ILRUN: variants seen among roughly 807,000 people sequenced by gnomAD.
ILRUN encodes protein ILRUN.
In ILRUN, 3 loss-of-function variants were observed where a neutral mutation model predicts 33.8. The ratio of observed to expected loss-of-function variants is 0.09; its 90% CI spans 0.04 to 0.23. ILRUN has a LOEUF of 0.23. ILRUN is among the 10% of genes least tolerant of loss of function. The pLI is 1.00. For synonymous variants in ILRUN, 124 were observed against 138.9 expected (o/e 0.89, Z 0.75); for missense variants, 210 against 375.1 (o/e 0.56, Z 3.64).
chr6:34,634,629 AG>A (rs1762318155), intron 3 of ILRUN, among the ~76,000 whole-genome samples: 1 of 152,172 alleles, frequency 6.6e-6, no homozygotes, highest in Admixed American at 6.5e-5. Flanking sequence ...CATCAAACAT[AG>A]ATGTTAAAAG....
chr6:34,587,342 G>A lies in ILRUN; in HGVS notation c.*3223C>T, dbSNP rs911736701. ...TACAAATATTCATTTATACAATAAG[G>A]AAAAACCTCCTCATCTTTATCTCCT... On this transcript the variant is annotated 3_prime_UTR_variant, in exon 5 of 5. Coordinates refer to ENST00000374023, the MANE Select transcript of ILRUN (RefSeq NM_024294.4). 4.6e-5 allele frequency: 7 copies of A among 152,604 alleles called. No homozygotes were observed. The highest frequency in any genetic ancestry group is 1.7e-4 in the African/African-American group (7 of 41,514). 9.5% of individuals were successfully genotyped at this position (152,604 alleles called of 1,614,324 possible).
At chr6:34,617,032 T>C in intron 3 of ILRUN, 1 of 533,558 alleles carries the variant, frequency 1.9e-6, no homozygotes, top group Non-Finnish European at 3.7e-6. Flanking sequence ...CAGACAACAC[T>C]TTGATTGCTC....
chr6:34,621,349 A>T (rs2127340155), intron 3 of ILRUN, among the ~76,000 whole-genome samples: 1 of 152,322 alleles, frequency 6.6e-6, no homozygotes, highest in East Asian at 1.9e-4. Context: ...AGTAGAAGGA[A>T]TCGCTACTTT....
At chr6:34,677,902 T>A (rs1258750275) in intron 1 of ILRUN, among the ~76,000 whole-genome samples, 1 of 131,950 alleles carries the variant, frequency 7.6e-6, no homozygotes, top group Non-Finnish European at 1.5e-5. Context: ...TGAGCTGTGA[T>A]CACACCACTG....
chr6:34,607,954 G>A (rs1761667758), intron 3 of ILRUN, among the ~76,000 whole-genome samples: 4 of 152,116 alleles, frequency 2.6e-5, no homozygotes, highest in African/African-American at 4.8e-5. Context: ...TTAGCTGGCC[G>A]TGGTGGTGCT....
intron 1 of ILRUN, among the ~76,000 whole-genome samples, chr6:34,684,770 C>CA (rs1348322281): frequency 6.6e-6 from 1 of 152,060 alleles, no homozygotes; most frequent in Non-Finnish European, 1.5e-5. Context: ...ATTGGGAGAG[C>CA]AAAAGTTTAC....
chr6:34,674,762 T>C (rs1272335205), intron 1 of ILRUN, among the ~76,000 whole-genome samples: 2 of 152,090 alleles, frequency 1.3e-5, no homozygotes, highest in Non-Finnish European at 2.9e-5. Context: ...TAAGTACACA[T>C]TAAAACTCTG....
At chr6:34,614,908 A>C (rs1021650411) in intron 3 of ILRUN, among the ~76,000 whole-genome samples, 1 of 152,178 alleles carries the variant, frequency 6.6e-6, no homozygotes, top group Non-Finnish European at 1.5e-5. Flanking sequence ...ATTACATGTC[A>C]TTCTATAGGA....
intron 1 of ILRUN, among the ~76,000 whole-genome samples, chr6:34,682,041 C>CTTTTTTTTTTTTT (rs552894159): frequency 2.0e-4 from 18 of 90,566 alleles, no homozygotes; most frequent in Non-Finnish European, 2.1e-4. Flanking sequence ...TATTTTTTTA[C>CTTTTTTTTTTTTT]TTTTTTTTTT....
chr6:34,678,048 A>T (rs562921293), intron 1 of ILRUN, among the ~76,000 whole-genome samples: 2 of 150,482 alleles, frequency 1.3e-5, no homozygotes, highest in Admixed American at 6.6e-5. Flanking sequence ...TCACATTTTT[A>T]ATTTTATTTT....
intron 1 of ILRUN, among the ~76,000 whole-genome samples, chr6:34,679,714 G>A (rs1427472541): frequency 6.6e-6 from 1 of 152,148 alleles, no homozygotes; most frequent in East Asian, 1.9e-4. Flanking sequence ...TTGGAAATAG[G>A]GTCTTTGCAG....
intron 2 of ILRUN, among the ~76,000 whole-genome samples, chr6:34,649,329 T>C (rs565466872): frequency 1.3e-5 from 2 of 152,194 alleles, no homozygotes; most frequent in Non-Finnish European, 2.9e-5. Flanking sequence ...ACACTAAACA[T>C]ACCTGAAATC....
chr6:34,679,851 A>G (rs1763322267), intron 1 of ILRUN, among the ~76,000 whole-genome samples: 1 of 152,242 alleles, frequency 6.6e-6, no homozygotes, highest in Non-Finnish European at 1.5e-5. Flanking sequence ...TAAGGCAGAC[A>G]CTAGAGTGAT....
chr6:34,661,138 T>C (rs1762877091), intron 1 of ILRUN, among the ~76,000 whole-genome samples: 1 of 152,082 alleles, frequency 6.6e-6, no homozygotes, highest in Non-Finnish European at 1.5e-5. Flanking sequence ...ATTTTCCAAG[T>C]AGAAAATAAA....
At chr6:34,597,614 T>C (rs1392710097) in intron 4 of ILRUN, among the ~76,000 whole-genome samples, 2 of 152,218 alleles carry the variant, frequency 1.3e-5, no homozygotes, top group East Asian at 3.8e-4. Context: ...TAATGGCTAG[T>C]GGATTAAGGG....
intron 1 of ILRUN, among the ~76,000 whole-genome samples, chr6:34,668,273 C>T (rs1437026032): frequency 6.6e-6 from 1 of 152,070 alleles, no homozygotes; most frequent in African/African-American, 2.4e-5. Flanking sequence ...ATGTATCTAC[C>T]CAAGATAAAT....
chr6:34,637,843 T>C (rs9469833), intron 3 of ILRUN, among the ~76,000 whole-genome samples: 20,579 of 138,796 alleles, frequency 0.15, 2,139 homozygotes, highest in African/African-American at 0.29. Context: ...GCTGTTGTTG[T>C]TGCTGCTGCT....
intron 1 of ILRUN, among the ~76,000 whole-genome samples, chr6:34,690,983 C>CT (rs1763638752): frequency 6.6e-6 from 1 of 152,104 alleles, no homozygotes; most frequent in African/African-American, 2.4e-5. Flanking sequence ...CTCCTGGGTT[C>CT]ATGCCATTCT....
chr6:34,639,904 CAT>C (rs887081264), intron 3 of ILRUN, among the ~76,000 whole-genome samples: 4 of 152,128 alleles, frequency 2.6e-5, no homozygotes, highest in African/African-American at 9.7e-5. Context: ...CGCAAGGTAA[CAT>C]ATGCAAAAAG....
Sources: allele counts gnomAD v4.1 joint callset (sites outside exome capture counted in the v4.1 genomes callset), GRCh38; gene constraint gnomAD v4.1.1; transcripts MANE v1.5; gene names NCBI Gene and HGNC (gene_info 2026-07-23, HGNC 2026-07-21).